The following NEGR1 variants were observed in gnomAD, a reference collection of about 807,000 sequenced individuals.
NEGR1 encodes the protein neuronal growth regulator 1.
In NEGR1, 10 loss-of-function variants were observed where a neutral mutation model predicts 40.9. The observed-to-expected ratio is 0.24, with a 90% CI of 0.15 to 0.42. The LOEUF (loss-of-function observed/expected upper bound fraction) is 0.42, where lower values mean the gene tolerates loss of function less well. Ranked by LOEUF, NEGR1 falls within the 10% of genes least tolerant of loss-of-function variation. NEGR1 has a pLI of 1.00. For missense variants in NEGR1, 352 were observed against 438.9 expected (o/e 0.80, Z 1.77); for synonymous variants, 185 against 166.8 (o/e 1.11, Z -0.84).
intron 5 of NEGR1, 99 bp from the exon 6 acceptor site, chr1:71,593,067 A>T: frequency 1.4e-6 from 1 of 719,680 alleles, no homozygotes; most frequent in Non-Finnish European, 2.4e-6. Flanking sequence ...TAGACAATTC[A>T]ACTACGCTGA....
chr1:72,017,153 T>TGC (rs1646719146), intron 1 of NEGR1, among the ~76,000 whole-genome samples: 1 of 147,382 alleles, frequency 6.8e-6, no homozygotes, highest in Admixed American at 6.8e-5. Flanking sequence ...TGTGTGTGTG[T>TGC]GTGTAAACCA....
intron 2 of NEGR1, among the ~76,000 whole-genome samples, chr1:71,894,958 C>G (rs1402855601): frequency 6.6e-6 from 1 of 151,896 alleles, no homozygotes; most frequent in Non-Finnish European, 1.5e-5. Flanking sequence ...AAGAAAGAAT[C>G]CATACTATGA....
intron 1 of NEGR1, among the ~76,000 whole-genome samples, chr1:72,090,365 TAAAA>T (rs59316206): frequency 3.0e-5 from 4 of 131,172 alleles, no homozygotes; most frequent in African/African-American, 5.5e-5. Flanking sequence ...CTTTTTTTCT[TAAAA>T]AAAAAAAAAA....
chr1:72,086,997 AGTT>A (rs1648248015), intron 1 of NEGR1, among the ~76,000 whole-genome samples: 14 of 152,174 alleles, frequency 9.2e-5, no homozygotes, highest in Admixed American at 9.2e-4. Context: ...TTTGAGTTAG[AGTT>A]ATTTCATTTT....
At chr1:72,204,672 A>T (rs1389391247) in intron 1 of NEGR1, among the ~76,000 whole-genome samples, 2 of 152,100 alleles carry the variant, frequency 1.3e-5, no homozygotes, top group Non-Finnish European at 2.9e-5. Context: ...CACAAAAAAA[A>T]CTCTATTAAA....
intron 1 of NEGR1, among the ~76,000 whole-genome samples, chr1:72,147,671 G>A (rs1463018451): frequency 6.6e-6 from 1 of 152,084 alleles, no homozygotes; most frequent in African/African-American, 2.4e-5. Context: ...GACAAGACAA[G>A]TCCCTTCCTC....
At position 71,539,151 on chromosome 1, in the gene NEGR1, A is replaced by C. The variant is rs184643366; in HGVS notation, c.940+53666T>G. 3.8e-4 allele frequency among the ~76,000 whole-genome samples: 57 copies of C among 151,852 alleles called. No homozygotes were observed. The South Asian group carries it at 5.0e-3, about 13-fold the overall frequency. Reference sequence around the variant, plus strand: ...TTCAATGGAGATAATGATGATATCTACCACTCAACATTGTAGTGAGGTTAA... The same window carrying C: ...TTCAATGGAGATAATGATGATATCTCCCACTCAACATTGTAGTGAGGTTAA... On this transcript the variant is annotated intron_variant, in intron 6 of 6. Coordinates refer to ENST00000357731, the MANE Select transcript of NEGR1 (RefSeq NM_173808.3).
At position 71,448,947 on chromosome 1, in the gene NEGR1, C is replaced by G. The variant is rs144054004; in HGVS notation, c.941-41377G>C. Among the ~76,000 whole-genome samples, 586 of 152,262 alleles carry G rather than the reference C, an allele frequency of 3.8e-3. 13 individuals are homozygous for G. The highest frequency in any genetic ancestry group is 0.028 in the Admixed American group (424 of 15,286). On this transcript the variant is annotated intron_variant, in intron 6 of 6. Coordinates refer to ENST00000357731, the MANE Select transcript of NEGR1 (RefSeq NM_173808.3). ...AAGAGGCTTGTAATATGGTTTGATG[C>G]CACGTCTTTGTTAAATTTACTTCGG...
At position 71,594,656 on chromosome 1, in the gene NEGR1, C is replaced by T. The variant is rs185186041; in HGVS notation, c.789-1688G>A. Reference sequence around the variant, plus strand: ...GCATAAAATATCATGGATATGGCAGCTTTTATTCTTCTCTCTCATATTTTT... The same window carrying T: ...GCATAAAATATCATGGATATGGCAGTTTTTATTCTTCTCTCTCATATTTTT... On this transcript the variant is annotated intron_variant, in intron 5 of 6. Coordinates refer to ENST00000357731, the MANE Select transcript of NEGR1 (RefSeq NM_173808.3). 4.6e-3 allele frequency among the ~76,000 whole-genome samples: 695 copies of T among 152,292 alleles called. 3 individuals carry two copies. Among genetic ancestry groups the T allele is most frequent in the African/African-American group, 0.015 (631 of 41,572 alleles).
chr1:71,735,438 G>T (rs1655013836), intron 3 of NEGR1, among the ~76,000 whole-genome samples: 1 of 152,030 alleles, frequency 6.6e-6, no homozygotes, highest in Admixed American at 6.6e-5. Context: ...CCTGAAATCT[G>T]ATATTTAATG....
intron 1 of NEGR1, among the ~76,000 whole-genome samples, chr1:72,141,914 T>G: frequency 6.6e-6 from 1 of 151,836 alleles, no homozygotes; most frequent in East Asian, 1.9e-4. Context: ...TTTTACCCAG[T>G]GTCATGAAGG....
Position 71,572,053 on chromosome 1 carries a change from C to G in NEGR1, c.940+20764G>C, listed in dbSNP as rs562280267. On this transcript the variant is annotated intron_variant, in intron 6 of 6. Coordinates refer to ENST00000357731, the MANE Select transcript of NEGR1 (RefSeq NM_173808.3). ...GGAGCTTTAATTTTTCAAATTAGCT[C>G]TGAGTATTAGCCTTTGTCTTTTATA... Among the ~76,000 whole-genome samples, 4 of 152,188 alleles carry G rather than the reference C, an allele frequency of 2.6e-5. No individual in the cohort carries two copies. The South Asian group carries it at 8.3e-4, about 32-fold the overall frequency.
At chr1:71,438,144 T>C (rs1242293665) in intron 6 of NEGR1, among the ~76,000 whole-genome samples, 1 of 152,214 alleles carries the variant, frequency 6.6e-6, no homozygotes, top group Non-Finnish European at 1.5e-5. Context: ...TTTGGATGGC[T>C]TTGAGGATGT....
intron 2 of NEGR1, among the ~76,000 whole-genome samples, chr1:71,792,661 A>G (rs1415829453): frequency 1.3e-5 from 2 of 152,066 alleles, no homozygotes; most frequent in East Asian, 3.9e-4. Flanking sequence ...AAGGTTTTTT[A>G]TGTATATAAC....
intron 1 of NEGR1, among the ~76,000 whole-genome samples, chr1:72,259,411 G>T (rs1244263639): frequency 1.3e-5 from 2 of 151,552 alleles, no homozygotes; most frequent in Admixed American, 1.3e-4. Context: ...TCTATACATT[G>T]ATATTTATTA....
At chr1:72,217,910 C>G (rs1416749721) in intron 1 of NEGR1, among the ~76,000 whole-genome samples, 1 of 151,702 alleles carries the variant, frequency 6.6e-6, no homozygotes, top group Non-Finnish European at 1.5e-5. Context: ...ATATCTCCAA[C>G]TAAGAAAGAT....
At chr1:72,098,573 C>A (rs1158614445) in intron 1 of NEGR1, among the ~76,000 whole-genome samples, 2 of 152,128 alleles carry the variant, frequency 1.3e-5, no homozygotes, top group Admixed American at 6.6e-5. Context: ...CCTGTCCCAA[C>A]CAATTACCTA....
chr1:71,945,390 C>T lies in NEGR1; in HGVS notation c.177-10079G>A, dbSNP rs116835618. Among the ~76,000 whole-genome samples the T allele has an allele frequency of 6.0e-3, 906 of 151,918 alleles. 9 individuals are homozygous for T. Among genetic ancestry groups the T allele is most frequent in the Non-Finnish European group, 8.9e-3 (607 of 67,932 alleles). On this transcript the variant is annotated intron_variant, in intron 1 of 6. Coordinates refer to ENST00000357731, the MANE Select transcript of NEGR1 (RefSeq NM_173808.3). ...TTTCTGTTTGAAAACAATACTACTG[C>T]CAGTAATAACAATAACAAAAAACCC...
intron 1 of NEGR1, among the ~76,000 whole-genome samples, chr1:72,058,414 G>C (rs748418391): frequency 6.6e-6 from 1 of 151,442 alleles, no homozygotes; most frequent in Non-Finnish European, 1.5e-5. Context: ...CAAGTCAAAG[G>C]GTTCTATGAG....
Sources: gnomAD v4.1 joint callset for allele counts (sites outside exome capture counted in the v4.1 genomes callset) on GRCh38, gnomAD v4.1.1 for gene constraint, MANE v1.5 for transcripts, NCBI Gene and HGNC (gene_info 2026-07-23, HGNC 2026-07-21) for gene names.